The following LHFPL3 variants were observed in gnomAD, a reference collection of about 807,000 sequenced individuals.
LHFPL3 encodes the protein LHFPL tetraspan subfamily member 3.
A neutral mutation model predicts 19.3 loss-of-function variants in LHFPL3; 5 were observed. That is an observed-to-expected ratio of 0.26 (90% CI 0.14 to 0.54). The LOEUF (loss-of-function observed/expected upper bound fraction) is 0.54, where lower values mean the gene tolerates loss of function less well. LHFPL3 is among the 20% of genes least tolerant of loss of function. The probability of loss-of-function intolerance (pLI) is 0.94; values close to 1 mark genes in which losing one functional copy is unlikely to be tolerated. For synonymous variants in LHFPL3, 133 were observed against 126.2 expected (o/e 1.05, Z -0.36); for missense variants, 249 against 307.4 (o/e 0.81, Z 1.42).
chr7:104,495,054 G>A (rs986491481), intron 1 of LHFPL3, among the ~76,000 whole-genome samples: 3 of 152,138 alleles, frequency 2.0e-5, no homozygotes, highest in South Asian at 2.1e-4. Flanking sequence ...CAAGATTACA[G>A]TTGGTTTCCC....
At chr7:104,471,624 T>C (rs1259318165) in intron 1 of LHFPL3, among the ~76,000 whole-genome samples, 2 of 152,210 alleles carry the variant, frequency 1.3e-5, no homozygotes, top group Non-Finnish European at 2.9e-5. Context: ...CCTTGGTGAA[T>C]CTCAGATAAA....
intron 1 of LHFPL3, among the ~76,000 whole-genome samples, chr7:104,620,879 C>A (rs899353528): frequency 2.0e-5 from 3 of 152,206 alleles, no homozygotes; most frequent in Non-Finnish European, 4.4e-5. Flanking sequence ...CTGAAGCTGG[C>A]CTTCAAGGCC....
At chr7:104,849,142 G>A (rs1312591556) in intron 2 of LHFPL3, among the ~76,000 whole-genome samples, 1 of 152,074 alleles carries the variant, frequency 6.6e-6, no homozygotes, top group Admixed American at 6.5e-5. Flanking sequence ...TGTTGCCCAG[G>A]CTGGTCTTGA....
chr7:104,543,975 G>T (rs1338773023), intron 1 of LHFPL3, among the ~76,000 whole-genome samples: 1 of 149,726 alleles, frequency 6.7e-6, no homozygotes, highest in South Asian at 2.1e-4. Flanking sequence ...AACCACCATG[G>T]CACACGTATA....
rs557167178 is a variant in LHFPL3, at chr7:104,678,311, A to T, written c.446-58364A>T. Among the ~76,000 whole-genome samples, 12 of 152,256 alleles carry T rather than the reference A, an allele frequency of 7.9e-5. No individual in the cohort carries two copies. In the East Asian group the frequency reaches 2.1e-3, roughly 27 times the overall value. ...AATGCTAGTCTGTATTACAGGCAAGACTCTGACGCCCAGAGTAAACAGCAC... is the reference window on the plus strand; with the variant it reads ...AATGCTAGTCTGTATTACAGGCAAGTCTCTGACGCCCAGAGTAAACAGCAC... On this transcript the variant is annotated intron_variant, in intron 1 of 2. Transcript: ENST00000424859.
chr7:104,413,719 G>A lies in LHFPL3; in HGVS notation c.445+84495G>A, dbSNP rs537093287. The stretch of plus-strand genomic sequence containing the variant: ...CAGTGAAGCCTTTCTAGGCTGGTCC[G>A]AACCATCATGCATTCTTCTACAGAT... On this transcript the variant is annotated intron_variant, in intron 1 of 2. Transcript: ENST00000424859. 1.1e-4 allele frequency among the ~76,000 whole-genome samples: 17 copies of A among 152,142 alleles called. No homozygotes were observed. The South Asian group carries it at 3.1e-3, about 28-fold the overall frequency.
chr7:104,328,714 T>C lies in LHFPL3; in HGVS notation c.-66T>C. The C allele has an allele frequency of 7.0e-7, 1 of 1,423,818 alleles. No homozygotes were observed. The highest frequency in any genetic ancestry group is 9.5e-7 in the Non-Finnish European group (1 of 1,049,420). The allele number at this position is 1,423,818 out of a possible 1,614,324, so 88.2% of individuals were successfully genotyped here. A position where few individuals can be genotyped will look rare whatever the true frequency, so the allele number is the denominator to read the frequency against. On this transcript the variant is annotated 5_prime_UTR_variant, in exon 1 of 3. Coordinates refer to ENST00000424859, the MANE Select transcript of LHFPL3 (RefSeq NM_199000.3). The surrounding 1 kb of genome is among the most constrained non-coding windows in gnomAD (Gnocchi z 4.6). ...CGCGAGGCTCCGTGAGTGTGTCTCCTGCGCGCTGAGAGGCGGGGGGAGGCG... is the reference window on the plus strand; with the variant it reads ...CGCGAGGCTCCGTGAGTGTGTCTCCCGCGCGCTGAGAGGCGGGGGGAGGCG...
chr7:104,555,287 G>A (rs1794742633), intron 1 of LHFPL3, among the ~76,000 whole-genome samples: 1 of 152,182 alleles, frequency 6.6e-6, no homozygotes, highest in Non-Finnish European at 1.5e-5. Flanking sequence ...TTATAAAAGA[G>A]AACCCAGAGA....
intron 1 of LHFPL3, among the ~76,000 whole-genome samples, chr7:104,485,283 C>T (rs1435243611): frequency 1.2e-5 from 1 of 86,814 alleles, no homozygotes; most frequent in East Asian, 2.3e-4. Context: ...ATGGAGTGTT[C>T]TTTAAAAAAA....
intron 1 of LHFPL3, among the ~76,000 whole-genome samples, chr7:104,662,501 G>A (rs1792243894): frequency 6.6e-6 from 1 of 152,148 alleles, no homozygotes; most frequent in Admixed American, 6.5e-5. Context: ...GCTAAAAAAT[G>A]AAGGTGCCTA....
chr7:104,483,294 C>A (rs1562911663), intron 1 of LHFPL3, among the ~76,000 whole-genome samples: 1 of 152,158 alleles, frequency 6.6e-6, no homozygotes, highest in Non-Finnish European at 1.5e-5. Context: ...AAATTTCCCA[C>A]AAGTGGTGAT....
intron 1 of LHFPL3, among the ~76,000 whole-genome samples, chr7:104,648,763 C>T (rs1791975447): frequency 6.6e-6 from 1 of 152,186 alleles, no homozygotes; most frequent in East Asian, 1.9e-4. Flanking sequence ...AGTGCTAGTC[C>T]TATCTGGAAA....
chr7:104,429,961 T>C (rs889559140), intron 1 of LHFPL3, among the ~76,000 whole-genome samples: 4 of 152,208 alleles, frequency 2.6e-5, no homozygotes, highest in Admixed American at 2.6e-4. Context: ...AGTTTCTTGT[T>C]CTAGTGGAGA....
At chr7:104,494,241 G>A (rs972373594) in intron 1 of LHFPL3, among the ~76,000 whole-genome samples, 3 of 152,148 alleles carry the variant, frequency 2.0e-5, no homozygotes, top group African/African-American at 4.8e-5. Flanking sequence ...TAATATCTGC[G>A]TACTTCAGTA....
At chr7:104,617,630 C>A (rs1163171784) in intron 1 of LHFPL3, among the ~76,000 whole-genome samples, 1 of 152,196 alleles carries the variant, frequency 6.6e-6, no homozygotes, top group African/African-American at 2.4e-5. Flanking sequence ...GCCTGGGTCA[C>A]AAAGACACAT....
intron 2 of LHFPL3, among the ~76,000 whole-genome samples, chr7:104,789,335 T>C (rs1281323055): frequency 6.6e-6 from 1 of 152,162 alleles, no homozygotes; most frequent in Non-Finnish European, 1.5e-5. Context: ...TAACTCAGTC[T>C]TGGGGACAGA....
intron 1 of LHFPL3, among the ~76,000 whole-genome samples, chr7:104,360,877 G>A (rs1258489387): frequency 6.6e-6 from 1 of 152,136 alleles, no homozygotes; most frequent in African/African-American, 2.4e-5. Flanking sequence ...AGCCAGGGAT[G>A]GGCAAACGAT....
chr7:104,437,761 C>G (rs1353288634), intron 1 of LHFPL3, among the ~76,000 whole-genome samples: 6 of 152,166 alleles, frequency 3.9e-5, no homozygotes. Flanking sequence ...CATACTGTCT[C>G]TGGGGGCCTG....
intron 1 of LHFPL3, among the ~76,000 whole-genome samples, chr7:104,337,701 G>A (rs1014146959): frequency 1.3e-5 from 2 of 152,134 alleles, no homozygotes; most frequent in Non-Finnish European, 2.9e-5. Context: ...TGGGGAAAGG[G>A]TACTTACAGT....
Sources: gnomAD v4.1 joint callset for allele counts (sites outside exome capture counted in the v4.1 genomes callset) on GRCh38, gnomAD v4.1.1 for gene constraint, Gnocchi (gnomAD v3.1) non-coding constraint, MANE v1.5 for transcripts, NCBI Gene and HGNC (gene_info 2026-07-23, HGNC 2026-07-21) for gene names.